The following COL6A1 variants were observed in gnomAD, a reference collection of about 807,000 sequenced individuals.
COL6A1 encodes collagen alpha-1(VI) chain.
COL6A1 carries 80 observed loss-of-function variants against 145.6 expected under a neutral mutation model. The observed-to-expected ratio is 0.55, with a 90% CI of 0.46 to 0.66. The LOEUF is 0.66. Ranked by LOEUF, COL6A1 falls within the 30% of genes least tolerant of loss-of-function variation. The pLI is 0.00. For synonymous variants in COL6A1, 638 were observed against 622.8 expected, an observed-to-expected ratio of 1.02 and a Z score of -0.36; for missense variants, 1,364 against 1,473.8, an observed-to-expected ratio of 0.93 and a Z score of 1.22.
chr21:45,993,658 C>T (rs2077789161), intron 19 of COL6A1, among the ~76,000 whole-genome samples: 1 of 152,174 alleles, frequency 6.6e-6, no homozygotes, highest in Non-Finnish European at 1.5e-5. Flanking sequence ...GGATTTCTGA[C>T]CTCCTCCCTG....
Position 45,997,494 on chromosome 21 carries a change from C to A in COL6A1, c.1461+11C>A, listed in dbSNP as rs1157144260. On this transcript the variant is annotated intron_variant, in intron 21 of 34. Transcript: ENST00000361866. ...CCCCCAGGGTCCGAGGTGAGTCCCA[C>A]TCCCCACCCACACCCGCCCACCCAG... 1.9e-6 allele frequency: 3 copies of A among 1,588,700 alleles called. No individual in the cohort carries two copies. Among genetic ancestry groups the A allele is most frequent in the Non-Finnish European group, 2.6e-6 (3 of 1,171,572 alleles).
At chr21:45,991,526 G>A (rs1053051890) in intron 15 of COL6A1, among the ~76,000 whole-genome samples, 6 of 152,160 alleles carry the variant, frequency 3.9e-5, no homozygotes, top group South Asian at 2.1e-4. Context: ...GAGCTTTTTC[G>A]TCTGACAGCT....
chr21:45,998,277 C>T (rs1454220062), intron 23 of COL6A1, 106 bp downstream of exon 23: 23 of 1,579,822 alleles, frequency 1.5e-5, no homozygotes, highest in Admixed American at 1.4e-4. Flanking sequence ...CCAGGACCGC[C>T]GGCTGGCCCA....
intron 22 of COL6A1, 144 bp downstream of exon 22, chr21:45,997,906 G>A (rs531409356): frequency 6.6e-5 from 74 of 1,125,860 alleles, no homozygotes; most frequent in Non-Finnish European, 8.6e-5. Flanking sequence ...GGCCACAGTC[G>A]GCACCTGAGC....
chr21:45,987,677 C>T, intron 8 of COL6A1, 23 bp downstream of exon 8: 7 of 1,602,578 alleles, frequency 4.4e-6, no homozygotes, highest in Non-Finnish European at 6.0e-6. Flanking sequence ...TCCTGCTCCT[C>T]CCATGTGTTG....
intron 15 of COL6A1, among the ~76,000 whole-genome samples, 156 bp downstream of exon 15, chr21:45,991,197 G>C (rs1252587470): frequency 6.6e-6 from 1 of 152,208 alleles, no homozygotes; most frequent in Non-Finnish European, 1.5e-5. Flanking sequence ...GCAGGCAGAG[G>C]AGCAGCGGGG....
rs775062782 is a variant in COL6A1 at position 45,982,698 on chromosome 21, C to T, written c.162C>T (p.Pro54=). ...AGAGCGTGGCCCTGAGGCTGAAGCC[C>T]TACGGGGCCCTCGTGGACAAAGTCA... ...TSESVALRLK[P]YGALVDKVKS... Residue 54 remains proline (P), a synonymous_variant, in exon 2 of 35, where the codon CCC becomes CCT. Coordinates refer to ENST00000361866, the MANE Select transcript of COL6A1 (RefSeq NM_001848.3). The T allele has an allele frequency of 7.4e-6, 12 of 1,612,876 alleles. No homozygotes were observed. In the East Asian group the frequency reaches 8.9e-5, roughly 12 times the overall value.
intron 12 of COL6A1, 24 bp downstream of exon 12, chr21:45,990,308 G>T (rs200542518): frequency 1.2e-5 from 20 of 1,612,678 alleles, no homozygotes; most frequent in Non-Finnish European, 1.4e-5. Context: ...GCTGGGAGGG[G>T]GGAGTTCTGC....
At chr21:46,002,732 C>T in intron 33 of COL6A1, 22 bp downstream of exon 33, 1 of 1,560,416 alleles carries the variant, frequency 6.4e-7, no homozygotes, top group South Asian at 1.2e-5. Context: ...GCCACCCGGG[C>T]AGTCCCAGAT....
intron 3 of COL6A1, among the ~76,000 whole-genome samples, chr21:45,984,845 CAG>C (rs1241298353): frequency 1.4e-5 from 2 of 146,510 alleles, no homozygotes; most frequent in African/African-American, 2.5e-5. Context: ...CAGACAGAGA[CAG>C]AGAGAGACAG....
chr21:45,991,859 G>C, intron 15 of COL6A1, 151 bp from the exon 16 acceptor site: 1 of 740,918 alleles, frequency 1.3e-6, no homozygotes, highest in Non-Finnish European at 2.3e-6. Context: ...GGTTGTGGAT[G>C]GCTGAGGGTG....
At chr21:46,001,145 G>A (rs553513598) in intron 29 of COL6A1, 108 bp from the exon 30 acceptor site, 9 of 1,460,526 alleles carry the variant, frequency 6.2e-6, no homozygotes, top group South Asian at 6.1e-5. Context: ...GGACCCCAAC[G>A]TGTCAGGTGA....
In COL6A1 at chr21:45,994,047, A is replaced by C; in HGVS notation, c.1336-120A>C. On this transcript the variant is annotated intron_variant, in intron 19 of 34. Transcript: ENST00000361866. This position sits in a 1 kb window ranked among gnomAD's most constrained non-coding sequence, Gnocchi z 6.8. ...GAGGCCAGGAAGGGGCTGTGCGGGG[A>C]GGGAAGGCCGGAACAGCCCAGTGAC... is the stretch of plus-strand genomic sequence containing the variant. The C allele has an allele frequency of 3.0e-6, 3 of 1,010,006 alleles. No homozygotes were observed. The highest frequency in any genetic ancestry group is 4.6e-6 in the Non-Finnish European group (3 of 655,458). The allele number at this position is 1,010,006 out of a possible 1,614,324, so 62.6% of individuals were successfully genotyped here. A position where few individuals can be genotyped will look rare whatever the true frequency, so the allele number is the denominator to read the frequency against.
rs774777508 is a variant in COL6A1, at chr21:45,992,006, C to G, written c.1120-4C>G. On this transcript the variant is annotated splice_region_variant and splice_polypyrimidine_tract_variant and intron_variant, in intron 15 of 34. Transcript: ENST00000361866. ...GCGTGTGTGACTCCCCCGGTCTTCCCCAGGGCGAGCCTGGAGCTGACGGGG... is the reference window on the plus strand; with the variant it reads ...GCGTGTGTGACTCCCCCGGTCTTCCGCAGGGCGAGCCTGGAGCTGACGGGG... The G allele has an allele frequency of 6.3e-7, 1 of 1,583,854 alleles. No homozygotes were observed. The highest frequency in any genetic ancestry group is 1.1e-5 in the South Asian group (1 of 87,570).
At chr21:45,996,625 G>GGGGCCAGGT (rs369883259) in intron 20 of COL6A1, among the ~76,000 whole-genome samples, 108 of 152,350 alleles carry the variant, frequency 7.1e-4, no homozygotes, top group African/African-American at 2.1e-3. Flanking sequence ...GCTCATGGCT[G>GGGGCCAGGT]GGGCCAGGTG....
chr21:45,992,302 C>T, intron 17 of COL6A1, 61 bp from the exon 18 acceptor site: 5 of 1,613,604 alleles, frequency 3.1e-6, no homozygotes, highest in Admixed American at 1.7e-5. Flanking sequence ...CTCCACGTCC[C>T]TGAGACCAAA....
chr21:45,987,057 C>G lies in COL6A1; in HGVS notation c.702C>G (p.Thr234=). 6.4e-7 allele frequency: 1 copy of G among 1,554,994 alleles called. No individual in the cohort carries two copies. Among genetic ancestry groups the G allele is most frequent in the South Asian group, 1.2e-5 (1 of 84,476 alleles). ...AEEAISQTID[T]IVDMIKNNVE... is the part of the protein sequence containing the mutation. Reference sequence around the variant, plus strand: ...AGGCCATCAGCCAGACCATCGACACCATCGTGGACATGATCGTGAGGCCCC... The same window carrying G: ...AGGCCATCAGCCAGACCATCGACACGATCGTGGACATGATCGTGAGGCCCC... Residue 234 remains threonine (T), a synonymous_variant, in exon 5 of 35, where the codon ACC becomes ACG. Coordinates refer to ENST00000361866, the MANE Select transcript of COL6A1 (RefSeq NM_001848.3).
chr21:45,998,794 G>A, intron 24 of COL6A1, 103 bp from the exon 25 acceptor site: 1 of 1,319,700 alleles, frequency 7.6e-7, no homozygotes, highest in Admixed American at 2.0e-5. Flanking sequence ...GGGAAGGGAA[G>A]AGAAGAGTGC....
At chr21:45,999,041 C>A (rs1289675081) in intron 25 of COL6A1, 82 bp downstream of exon 25, 1 of 1,545,120 alleles carries the variant, frequency 6.5e-7, no homozygotes, top group Non-Finnish European at 8.8e-7. Context: ...TGGACCAGGA[C>A]CCGCTTGGGG....
Sources: gnomAD v4.1 joint callset for allele counts (sites outside exome capture counted in the v4.1 genomes callset) on GRCh38, gnomAD v4.1.1 for gene constraint, Gnocchi (gnomAD v3.1) non-coding constraint, MANE v1.5 for transcripts, NCBI Gene and HGNC (gene_info 2026-07-23, HGNC 2026-07-21) for gene names.